Variants in LRRC4C observed in about 807,000 individuals in gnomAD.
The protein encoded by LRRC4C is leucine-rich repeat-containing protein 4C.
Under a neutral mutation model 33.6 loss-of-function variants are expected in LRRC4C, and 5 were observed. The ratio of observed to expected loss-of-function variants is 0.15; its 90% CI spans 0.08 to 0.31. The LOEUF is 0.31. LRRC4C is among the 10% of genes least tolerant of loss of function. The pLI, the probability that LRRC4C is intolerant of heterozygous loss-of-function variation, is 1.00. For missense variants in LRRC4C, 560 were observed against 796.7 expected, an observed-to-expected ratio of 0.70 and a Z score of 3.58; for synonymous variants, 329 against 302.0, an observed-to-expected ratio of 1.09 and a Z score of -0.93.
At chr11:40,601,998 G>T (rs577787352) in intron 3 of LRRC4C, among the ~76,000 whole-genome samples, 5 of 151,260 alleles carry the variant, frequency 3.3e-5, no homozygotes, top group African/African-American at 9.7e-5. Context: ...AGACCATCCT[G>T]GCCAACATGG....
chr11:40,844,412 C>T (rs945581695), intron 2 of LRRC4C, among the ~76,000 whole-genome samples: 1 of 152,092 alleles, frequency 6.6e-6, no homozygotes, highest in African/African-American at 2.4e-5. Flanking sequence ...AAATTATCTG[C>T]TAGGTATTTT....
intron 1 of LRRC4C, among the ~76,000 whole-genome samples, chr11:41,277,247 A>T (rs1949513539): frequency 6.6e-6 from 1 of 152,204 alleles, no homozygotes; most frequent in Admixed American, 6.5e-5. Context: ...CAAAGCATGT[A>T]AAAAACCCAT....
intron 2 of LRRC4C, among the ~76,000 whole-genome samples, chr11:40,774,573 T>G (rs1413283887): frequency 2.0e-5 from 3 of 152,128 alleles, no homozygotes; most frequent in Admixed American, 6.5e-5. Context: ...TGACTAAAGA[T>G]TCAATAAAGT....
At chr11:40,588,732 G>A (rs1055261089) in intron 3 of LRRC4C, among the ~76,000 whole-genome samples, 2 of 152,002 alleles carry the variant, frequency 1.3e-5, no homozygotes, top group African/African-American at 4.8e-5. Flanking sequence ...ATTTCGTTCG[G>A]TACCCAGTAG....
At position 41,169,202 on chromosome 11, in the gene LRRC4C, C is replaced by T. The variant is rs1034101700; in HGVS notation, c.-495-235479G>A. 9.9e-5 allele frequency among the ~76,000 whole-genome samples: 15 copies of T among 152,274 alleles called. No homozygotes were observed. In the South Asian group the frequency reaches 1.5e-3, roughly 15 times the overall value. ...GAATAAAACATTTTTCAAAACATTG[C>T]TTATGCCATTTCTTATTTATTCTTT... On this transcript the variant is annotated intron_variant, in intron 1 of 6. Transcript: ENST00000528697.
chr11:41,368,184 A>T (rs1952613202), intron 1 of LRRC4C, among the ~76,000 whole-genome samples: 1 of 152,214 alleles, frequency 6.6e-6, no homozygotes, highest in South Asian at 2.1e-4. Flanking sequence ...TGTTTCAGAC[A>T]ACTGAAAGCC....
At chr11:40,996,619 T>TA (rs1335667566) in intron 1 of LRRC4C, among the ~76,000 whole-genome samples, 1 of 152,066 alleles carries the variant, frequency 6.6e-6, no homozygotes, top group Non-Finnish European at 1.5e-5. Context: ...TGAGGTTAAG[T>TA]AATTTATAAA....
At chr11:40,410,569 T>C (rs1347848630) in intron 3 of LRRC4C, among the ~76,000 whole-genome samples, 1 of 152,024 alleles carries the variant, frequency 6.6e-6, no homozygotes, top group Non-Finnish European at 1.5e-5. Flanking sequence ...TTTCCGTTCT[T>C]TTTATTTCCC....
At chr11:40,815,063 T>A (rs907901927) in intron 2 of LRRC4C, among the ~76,000 whole-genome samples, 2 of 152,166 alleles carry the variant, frequency 1.3e-5, no homozygotes, top group African/African-American at 4.8e-5. Context: ...ACCAATTTAC[T>A]GTATTAGTCC....
intron 2 of LRRC4C, among the ~76,000 whole-genome samples, chr11:40,806,679 T>C (rs1591771117): frequency 2.0e-5 from 3 of 152,334 alleles, no homozygotes; most frequent in South Asian, 4.1e-4. Flanking sequence ...ATCACAAATA[T>C]ATATTTACAT....
chr11:41,261,382 G>A (rs567599216), intron 1 of LRRC4C, among the ~76,000 whole-genome samples: 190 of 152,054 alleles, frequency 1.2e-3, no homozygotes, highest in African/African-American at 4.2e-3. Context: ...GTAGCAGTAG[G>A]AACATACTAA....
intron 1 of LRRC4C, among the ~76,000 whole-genome samples, chr11:41,416,312 G>A (rs1954678416): frequency 6.6e-6 from 1 of 151,928 alleles, no homozygotes; most frequent in South Asian, 2.1e-4. Context: ...CCAACAAACT[G>A]TTATGTTGAG....
intron 2 of LRRC4C, among the ~76,000 whole-genome samples, chr11:40,818,216 G>T (rs980932311): frequency 2.9e-4 from 44 of 151,906 alleles, no homozygotes; most frequent in African/African-American, 1.0e-3. Flanking sequence ...TTCTCCTCAG[G>T]TTACATCCAT....
At chr11:40,883,765 A>G (rs920702230) in intron 2 of LRRC4C, among the ~76,000 whole-genome samples, 1 of 152,190 alleles carries the variant, frequency 6.6e-6, no homozygotes, top group Non-Finnish European at 1.5e-5. Context: ...TGTTATAAAC[A>G]TGGAATTATT....
At chr11:40,125,241 T>G (rs1229207000) in intron 6 of LRRC4C, among the ~76,000 whole-genome samples, 1 of 151,980 alleles carries the variant, frequency 6.6e-6, no homozygotes, top group Non-Finnish European at 1.5e-5. Flanking sequence ...AAGAAAAACA[T>G]GGGGAAGAAA....
intron 3 of LRRC4C, among the ~76,000 whole-genome samples, chr11:40,432,669 GACTCTA>G (rs1733538898): frequency 6.6e-6 from 1 of 152,156 alleles, no homozygotes; most frequent in Admixed American, 6.6e-5. Context: ...TGTTATCCCA[GACTCTA>G]ACAGTTTCCT....
chr11:41,118,116 T>G (rs1229203316), intron 1 of LRRC4C, among the ~76,000 whole-genome samples: 1 of 152,172 alleles, frequency 6.6e-6, no homozygotes, highest in Non-Finnish European at 1.5e-5. Context: ...GAAACTGACT[T>G]ATTCTCAAAA....
chr11:41,097,076 C>A (rs982496166), intron 1 of LRRC4C, among the ~76,000 whole-genome samples: 1 of 152,078 alleles, frequency 6.6e-6, no homozygotes, highest in Non-Finnish European at 1.5e-5. Flanking sequence ...AGAGATGGGG[C>A]AGGTTCTCAT....
chr11:41,368,615 G>T (rs1038351774), intron 1 of LRRC4C, among the ~76,000 whole-genome samples: 2 of 152,124 alleles, frequency 1.3e-5, no homozygotes, highest in African/African-American at 2.4e-5. Context: ...TCCAGTGTTG[G>T]TCTACCAACC....
Sources: allele counts gnomAD v4.1 joint callset (sites outside exome capture counted in the v4.1 genomes callset), GRCh38; gene constraint gnomAD v4.1.1; transcripts MANE v1.5; gene names NCBI Gene and HGNC (gene_info 2026-07-23, HGNC 2026-07-21).